The following PRR16 variants were observed in gnomAD, a reference collection of about 807,000 sequenced individuals.
PRR16 encodes protein Largen.
Under a neutral mutation model 18.2 loss-of-function variants are expected in PRR16, and 6 were observed. The observed-to-expected ratio is 0.33, with a 90% CI of 0.18 to 0.65. PRR16 has a LOEUF of 0.65. Among genes scored for constraint, PRR16 ranks in the 30% least tolerant of loss-of-function variants. The pLI, the probability that PRR16 is intolerant of heterozygous loss-of-function variation, is 0.74. For missense variants in PRR16, 412 were observed against 376.6 expected, an observed-to-expected ratio of 1.09 and a Z score of -0.78; for synonymous variants, 151 against 147.8, an observed-to-expected ratio of 1.02 and a Z score of -0.16.
the PRR16 span, among the ~76,000 whole-genome samples, chr5:120,749,999 G>A: frequency 6.6e-6 from 1 of 152,116 alleles, no homozygotes; most frequent in African/African-American, 2.4e-5. Flanking sequence ...ATTAGAATAT[G>A]TTTGAAGCCA....
chr5:120,514,769 A>G (rs1436562653), intron 1 of PRR16, among the ~76,000 whole-genome samples: 1 of 152,188 alleles, frequency 6.6e-6, no homozygotes, highest in Non-Finnish European at 1.5e-5. Context: ...TTCTGATCAC[A>G]ATAATTTAAG....
chr5:120,748,051 C>T, the PRR16 span, among the ~76,000 whole-genome samples: 6 of 152,038 alleles, frequency 3.9e-5, no homozygotes, highest in Admixed American at 6.6e-5. Context: ...GTGAATGATC[C>T]GTGCACTATC....
rs144436288 is a variant in PRR16 at position 120,600,046 on chromosome 5, C to G, written c.160-85908C>G. On this transcript the variant is annotated intron_variant, in intron 1 of 1. Coordinates refer to ENST00000407149, the MANE Select transcript of PRR16 (RefSeq NM_001300783.2). ...CCAGAGTTTTATGTACATCTAGGTG[C>G]ACTTCTGAAGCATAACACTTCTGAT... 3.5e-3 allele frequency among the ~76,000 whole-genome samples: 536 copies of G among 151,990 alleles called. 4 individuals carry two copies. Among genetic ancestry groups the G allele is most frequent in the African/African-American group, 0.012 (516 of 41,516 alleles).
At chr5:120,636,889 C>T (rs1755245462) in intron 1 of PRR16, among the ~76,000 whole-genome samples, 1 of 152,048 alleles carries the variant, frequency 6.6e-6, no homozygotes, top group Non-Finnish European at 1.5e-5. Context: ...ACAATCTATA[C>T]ATCCAATAAA....
chr5:120,775,661 A>ACT, the PRR16 span, among the ~76,000 whole-genome samples: 1 of 120,178 alleles, frequency 8.3e-6, no homozygotes, highest in Non-Finnish European at 1.7e-5. Flanking sequence ...ATGGAGTTTC[A>ACT]CTCTTGTTGC....
At chr5:120,475,460 T>A (rs1458569019) in intron 1 of PRR16, among the ~76,000 whole-genome samples, 1 of 152,116 alleles carries the variant, frequency 6.6e-6, no homozygotes, top group Non-Finnish European at 1.5e-5. Context: ...TTCTTTGAAA[T>A]CCATATCTTA....
chr5:120,652,462 C>T (rs1023774234), intron 1 of PRR16, among the ~76,000 whole-genome samples: 2 of 151,970 alleles, frequency 1.3e-5, no homozygotes, highest in African/African-American at 4.8e-5. Flanking sequence ...TACCTGAAGG[C>T]AAGTGGACCA....
At chr5:120,612,542 T>C (rs1228875761) in intron 1 of PRR16, among the ~76,000 whole-genome samples, 2 of 151,914 alleles carry the variant, frequency 1.3e-5, no homozygotes, top group African/African-American at 4.9e-5. Context: ...CTGAAGGGTT[T>C]ATCAGGCGCT....
intron 1 of PRR16, among the ~76,000 whole-genome samples, chr5:120,626,445 TACAAGTTATAA>T (rs1299346688): frequency 6.6e-6 from 1 of 152,136 alleles, no homozygotes; most frequent in Admixed American, 6.6e-5. Context: ...GGCCTAGGAC[TACAAGTTATAA>T]TAGTGATGAC....
At chr5:120,782,266 A>G in the PRR16 span, among the ~76,000 whole-genome samples, 1 of 152,138 alleles carries the variant, frequency 6.6e-6, no homozygotes, top group Non-Finnish European at 1.5e-5. Flanking sequence ...GTGCATTTGC[A>G]CAGGCCCCTG....
At chr5:120,514,899 T>A (rs1311129451) in intron 1 of PRR16, among the ~76,000 whole-genome samples, 2 of 152,218 alleles carry the variant, frequency 1.3e-5, no homozygotes, top group Non-Finnish European at 2.9e-5. Context: ...TCGAAATTCT[T>A]CCAATTTGTA....
At chr5:120,551,617 A>G (rs1359337715) in intron 1 of PRR16, among the ~76,000 whole-genome samples, 3 of 152,040 alleles carry the variant, frequency 2.0e-5, no homozygotes, top group African/African-American at 7.2e-5. Flanking sequence ...TGTGTGTTAA[A>G]TGCAATGTTT....
the PRR16 span, among the ~76,000 whole-genome samples, chr5:120,759,457 C>T: frequency 4.7e-3 from 718 of 151,936 alleles, 3 homozygotes; most frequent in Non-Finnish European, 8.3e-3. Context: ...AATTATATAA[C>T]ATTATATGAA....
intron 1 of PRR16, among the ~76,000 whole-genome samples, chr5:120,517,511 A>G (rs945659328): frequency 2.0e-5 from 3 of 152,164 alleles, no homozygotes; most frequent in African/African-American, 7.2e-5. Context: ...ATAGTTTTCT[A>G]TTCTTCTTTA....
chr5:120,772,131 C>G, the PRR16 span, among the ~76,000 whole-genome samples: 1 of 152,056 alleles, frequency 6.6e-6, no homozygotes, highest in Non-Finnish European at 1.5e-5. Flanking sequence ...CATGTCCTAT[C>G]TCTGAGATTT....
chr5:120,754,623 T>A, the PRR16 span, among the ~76,000 whole-genome samples: 1 of 61,084 alleles, frequency 1.6e-5, no homozygotes, highest in Admixed American at 2.3e-4. Flanking sequence ...TATTATATAT[T>A]TATATATAAT....
chr5:120,515,142 A>G (rs1750947305), intron 1 of PRR16, among the ~76,000 whole-genome samples: 1 of 152,198 alleles, frequency 6.6e-6, no homozygotes, highest in Non-Finnish European at 1.5e-5. Flanking sequence ...CTGTGTCATA[A>G]TATCCCAGAG....
the PRR16 span, among the ~76,000 whole-genome samples, chr5:120,759,398 CAT>C: frequency 6.6e-6 from 1 of 151,950 alleles, no homozygotes; most frequent in South Asian, 2.1e-4. Flanking sequence ...GTATCCAAAA[CAT>C]ATAAAGAACT....
the PRR16 span, among the ~76,000 whole-genome samples, chr5:120,793,043 T>G: frequency 1.3e-5 from 2 of 149,972 alleles, no homozygotes; most frequent in East Asian, 1.9e-4. Flanking sequence ...TTCCAGCTAC[T>G]TGGTTAGCTG....
Sources: gnomAD v4.1 joint callset for allele counts (sites outside exome capture counted in the v4.1 genomes callset) on GRCh38, gnomAD v4.1.1 for gene constraint, MANE v1.5 for transcripts, NCBI Gene and HGNC (gene_info 2026-07-23, HGNC 2026-07-21) for gene names.